SLC6A17: variants seen among roughly 807,000 people sequenced by gnomAD.
The protein encoded by SLC6A17 is solute carrier family 6 member 17, also known as sodium-dependent neutral amino acid transporter SLC6A17.
Under a neutral mutation model 64.5 loss-of-function variants are expected in SLC6A17, and 21 were observed. The observed-to-expected ratio is 0.33, with a 90% confidence interval of 0.23 to 0.47. The LOEUF (loss-of-function observed/expected upper bound fraction) is 0.47. SLC6A17 is among the 20% of genes least tolerant of loss of function. The pLI is 1.00. For synonymous variants in SLC6A17, 372 were observed against 399.5 expected, an observed-to-expected ratio of 0.93 and a Z score of 0.82; for missense variants, 682 against 963.2, an observed-to-expected ratio of 0.71 and a Z score of 3.86.
chr1:110,175,062 G>A, intron 5 of SLC6A17, 102 bp downstream of exon 5: 2 of 1,423,254 alleles, frequency 1.4e-6, no homozygotes, highest in South Asian at 2.9e-5. Flanking sequence ...AGGGTCTTCT[G>A]GGTGGATAAC....
chr1:110,174,755 C>T (rs777150694), intron 4 of SLC6A17, 24 bp from the exon 5 acceptor site: 17 of 1,611,166 alleles, frequency 1.1e-5, no homozygotes, highest in Non-Finnish European at 1.4e-5. Flanking sequence ...CACTGAGGCC[C>T]TGTGACCTTT....
At chr1:110,151,407 C>G (rs758026774) in intron 1 of SLC6A17, among the ~76,000 whole-genome samples, 50 of 152,382 alleles carry the variant, frequency 3.3e-4, no homozygotes, top group Non-Finnish European at 6.3e-4. Context: ...AATTCTCAGT[C>G]CTGGGGCTGG....
At chr1:110,190,719 C>T (rs576270635) in intron 6 of SLC6A17, among the ~76,000 whole-genome samples, 1 of 152,216 alleles carries the variant, frequency 6.6e-6, no homozygotes, top group South Asian at 2.1e-4. Flanking sequence ...CTCCTTGCCT[C>T]CTTAGTCTGT....
rs1349918208 is a variant in SLC6A17 at position 110,199,821 on chromosome 1, G to C, written c.*1377G>C. Reference sequence around the variant, plus strand: ...GCAGCCAGGGAGGAACCTGACCCAAGAGTAAATGTCTGCAGAGAGATGGAT... The same window carrying C: ...GCAGCCAGGGAGGAACCTGACCCAACAGTAAATGTCTGCAGAGAGATGGAT... On this transcript the variant is annotated 3_prime_UTR_variant, in exon 12 of 12. Transcript: ENST00000331565. The C allele has an allele frequency of 5.1e-6, 2 of 395,708 alleles. No homozygotes were observed. The highest frequency in any genetic ancestry group is 8.9e-6 in the Non-Finnish European group (2 of 225,240). 24.5% of individuals were successfully genotyped at this position (395,708 alleles called of 1,614,324 possible). A position where few individuals can be genotyped will look rare whatever the true frequency, so the allele number is the denominator to read the frequency against.
At chr1:110,194,144 C>A (rs915902912) in intron 8 of SLC6A17, among the ~76,000 whole-genome samples, 6 of 152,186 alleles carry the variant, frequency 3.9e-5, no homozygotes, top group Non-Finnish European at 8.8e-5. Context: ...CTAAAGGCTC[C>A]GGTGTGCTTC....
At chr1:110,169,583 C>T (rs746645600) in intron 2 of SLC6A17, among the ~76,000 whole-genome samples, 3 of 152,026 alleles carry the variant, frequency 2.0e-5, no homozygotes, top group Non-Finnish European at 4.4e-5. Flanking sequence ...GGAATAACCT[C>T]GGGGTTTGCC....
intron 1 of SLC6A17, among the ~76,000 whole-genome samples, chr1:110,164,142 G>A (rs979882273): frequency 6.6e-6 from 1 of 152,202 alleles, no homozygotes. Context: ...ACCTAGAACA[G>A]AGGCTGGCAT....
chr1:110,182,197 G>A (rs1010360180), intron 6 of SLC6A17, among the ~76,000 whole-genome samples: 3 of 152,182 alleles, frequency 2.0e-5, no homozygotes, highest in Non-Finnish European at 4.4e-5. Context: ...AAAAGGGTTT[G>A]CTGTTGGATT....
At chr1:110,151,080 G>A (rs191158900) in intron 1 of SLC6A17, among the ~76,000 whole-genome samples, 197 bp downstream of exon 1, 1 of 152,344 alleles carries the variant, frequency 6.6e-6, no homozygotes, top group Middle Eastern at 3.4e-3. Context: ...GAGCCCCGGG[G>A]CCCGCTCTCC....
chr1:110,162,854 C>G (rs1369289898), intron 1 of SLC6A17, among the ~76,000 whole-genome samples: 1 of 151,958 alleles, frequency 6.6e-6, no homozygotes, highest in Non-Finnish European at 1.5e-5. Context: ...ATCCTCCTCA[C>G]AGTATGGTGA....
intron 1 of SLC6A17, among the ~76,000 whole-genome samples, chr1:110,162,377 T>C (rs928386163): frequency 3.3e-5 from 5 of 152,196 alleles, no homozygotes; most frequent in African/African-American, 7.2e-5. Context: ...TCAACAGATA[T>C]ATGCTAGAGC....
chr1:110,156,036 G>A (rs1002505696), intron 1 of SLC6A17, among the ~76,000 whole-genome samples: 12 of 152,220 alleles, frequency 7.9e-5, no homozygotes, highest in African/African-American at 2.7e-4. Flanking sequence ...TCTAAAGGAA[G>A]GAGAGCAGAT....
chr1:110,189,210 G>A (rs1266819303), intron 6 of SLC6A17, among the ~76,000 whole-genome samples: 1 of 152,188 alleles, frequency 6.6e-6, no homozygotes, highest in Non-Finnish European at 1.5e-5. Flanking sequence ...GGACCACTTG[G>A]CATTTCATTT....
intron 6 of SLC6A17, among the ~76,000 whole-genome samples, chr1:110,179,294 T>C (rs558419851): frequency 6.6e-6 from 1 of 152,340 alleles, no homozygotes; most frequent in South Asian, 2.1e-4. Context: ...TGTTTAGGAA[T>C]GGAATTGCTG....
Position 110,167,064 on chromosome 1 carries a change from C to A in SLC6A17, c.135C>A (p.Gly45=). The change falls in exon 2 of 12, where the codon GGC becomes GGA. Residue 45 remains glycine, a synonymous_variant. Coordinates refer to ENST00000331565, the MANE Select transcript of SLC6A17 (RefSeq NM_001010898.4). Reference sequence around the variant, plus strand: ...TACTGAATGTGGCTGGTGAGGCAGGCGGCAAGCAGAAGGCGGTGGAGGAGG... The same window carrying A: ...TACTGAATGTGGCTGGTGAGGCAGGAGGCAAGCAGAAGGCGGTGGAGGAGG... The part of the protein sequence containing the change: ...QSVLNVAGEA[G]GKQKAVEEEL... The A allele has an allele frequency of 3.7e-6, 6 of 1,608,684 alleles. No homozygotes were observed. The highest frequency in any genetic ancestry group is 4.2e-6 in the Non-Finnish European group (5 of 1,177,952).
At chr1:110,176,527 T>G in intron 5 of SLC6A17, 102 bp from the exon 6 acceptor site, 1 of 1,101,114 alleles carries the variant, frequency 9.1e-7, no homozygotes, top group Non-Finnish European at 1.4e-6. Context: ...TGTTTTCTGC[T>G]GCCATCAGGG....
chr1:110,173,287 C>T (rs1656289060), intron 3 of SLC6A17, among the ~76,000 whole-genome samples: 1 of 152,220 alleles, frequency 6.6e-6, no homozygotes, highest in Non-Finnish European at 1.5e-5. Context: ...GCGCCAGTCT[C>T]ACTGATGCAG....
At chr1:110,152,987 T>C (rs1306813261) in intron 1 of SLC6A17, among the ~76,000 whole-genome samples, 1 of 152,200 alleles carries the variant, frequency 6.6e-6, no homozygotes, top group Admixed American at 6.5e-5. Context: ...CATAGACCTG[T>C]TTCCAACCCT....
intron 1 of SLC6A17, among the ~76,000 whole-genome samples, chr1:110,151,469 G>GC (rs1480119431): frequency 1.3e-5 from 2 of 152,244 alleles, no homozygotes; most frequent in African/African-American, 4.8e-5. Context: ...CGTGGGAAGC[G>GC]CATCTGGGGA....
Sources: allele counts gnomAD v4.1 joint callset (sites outside exome capture counted in the v4.1 genomes callset), GRCh38; gene constraint gnomAD v4.1.1; transcripts MANE v1.5; gene names NCBI Gene and HGNC (gene_info 2026-07-23, HGNC 2026-07-21).